CLYBL: variants seen among roughly 807,000 people sequenced by gnomAD.
CLYBL encodes the protein citramalyl-CoA lyase, mitochondrial.
In CLYBL, 31 loss-of-function variants were observed where a neutral mutation model predicts 38.9. The ratio of observed to expected loss-of-function variants is 0.80; its 90% CI spans 0.60 to 1.08. The LOEUF (loss-of-function observed/expected upper bound fraction) is 1.08, where lower values mean the gene tolerates loss of function less well. Among genes scored for constraint, CLYBL ranks in the 50% least tolerant of loss-of-function variants. The pLI, the probability that CLYBL is intolerant of heterozygous loss-of-function variation, is 0.00. For missense variants in CLYBL, 434 were observed against 411.6 expected, an observed-to-expected ratio of 1.05 and a Z score of -0.47; for synonymous variants, 171 against 158.6, an observed-to-expected ratio of 1.08 and a Z score of -0.59.
rs112428854 is a variant in CLYBL, at chr13:99,658,776, A to G, written c.62+52019A>G. Among the ~76,000 whole-genome samples the G allele has an allele frequency of 4.7e-3, 713 of 151,930 alleles. 9 individuals are homozygous for G. The highest frequency in any genetic ancestry group is 0.016 in the African/African-American group (673 of 41,404). ...AACAAAAACCCTCTCCCAACCCCCAACCCGCCTCCACAGCTGCATTTTGTT... is the reference window on the plus strand; with the variant it reads ...AACAAAAACCCTCTCCCAACCCCCAGCCCGCCTCCACAGCTGCATTTTGTT... On this transcript the variant is annotated intron_variant, in intron 1 of 8. Coordinates refer to ENST00000339105, the MANE Select transcript of CLYBL (RefSeq NM_206808.5).
At chr13:99,703,868 C>T (rs1037665401) in intron 1 of CLYBL, among the ~76,000 whole-genome samples, 1 of 152,006 alleles carries the variant, frequency 6.6e-6, no homozygotes, top group Admixed American at 6.6e-5. Context: ...TGTCAACAGA[C>T]ATAAAAAAGC....
At chr13:99,662,324 A>G (rs938342302) in intron 1 of CLYBL, among the ~76,000 whole-genome samples, 1 of 152,222 alleles carries the variant, frequency 6.6e-6, no homozygotes, top group Non-Finnish European at 1.5e-5. Flanking sequence ...GCTATTAATA[A>G]TTTTTTAAAG....
intron 2 of CLYBL, among the ~76,000 whole-genome samples, chr13:99,819,035 G>T (rs1452151091): frequency 1.3e-5 from 2 of 151,972 alleles, no homozygotes; most frequent in Non-Finnish European, 2.9e-5. Context: ...ACGTTTCCAA[G>T]GTATAATTTA....
chr13:99,636,167 C>G lies in CLYBL; in HGVS notation c.62+29410C>G, dbSNP rs571893480. On this transcript the variant is annotated intron_variant, in intron 1 of 8. Coordinates refer to ENST00000339105, the MANE Select transcript of CLYBL (RefSeq NM_206808.5). ...TTTATATATATTTTCAGCAGAGACT[C>G]TTAAAATTATGTTTTCGAAATAACA... is the stretch of plus-strand genomic sequence containing the variant. 5.9e-5 allele frequency among the ~76,000 whole-genome samples: 9 copies of G among 152,294 alleles called. No individual in the cohort carries two copies. In the South Asian group the frequency reaches 1.2e-3, roughly 21 times the overall value.
chr13:99,870,906 TCGTGGTTC>T, intron 6 of CLYBL, 24 bp from the exon 7 acceptor site: 1 of 1,569,528 alleles, frequency 6.4e-7, no homozygotes, highest in East Asian at 2.3e-5. Context: ...GTTCGTTGTT[TCGTGGTTC>T]CGATGTTATT....
chr13:99,766,946 G>A (rs1594168855), intron 1 of CLYBL, among the ~76,000 whole-genome samples: 1 of 152,330 alleles, frequency 6.6e-6, no homozygotes, highest in African/African-American at 2.4e-5. Context: ...AGATTCCAGA[G>A]CTGGGGATGG....
intron 1 of CLYBL, among the ~76,000 whole-genome samples, chr13:99,741,420 A>C (rs1367148841): frequency 6.6e-6 from 1 of 152,248 alleles, no homozygotes; most frequent in East Asian, 1.9e-4. Flanking sequence ...TTGGCACGGC[A>C]GACCCCAACC....
chr13:99,663,921 T>G (rs2047444104), intron 1 of CLYBL, among the ~76,000 whole-genome samples: 1 of 152,232 alleles, frequency 6.6e-6, no homozygotes, highest in Admixed American at 6.5e-5. Flanking sequence ...CAGACAGAGA[T>G]AAAACTGCAA....
At chr13:99,749,032 A>G (rs1176246058) in intron 1 of CLYBL, among the ~76,000 whole-genome samples, 1 of 152,072 alleles carries the variant, frequency 6.6e-6, no homozygotes, top group African/African-American at 2.4e-5. Context: ...TACAAAAATT[A>G]GCCAGTGTGG....
intron 2 of CLYBL, among the ~76,000 whole-genome samples, chr13:99,844,441 G>A (rs1040292123): frequency 3.3e-5 from 5 of 152,214 alleles, no homozygotes; most frequent in African/African-American, 7.2e-5. Context: ...GATTTTGAAC[G>A]TTGGAACACA....
chr13:99,831,910 A>G (rs2050811748), intron 2 of CLYBL, among the ~76,000 whole-genome samples: 1 of 152,166 alleles, frequency 6.6e-6, no homozygotes, highest in African/African-American at 2.4e-5. Context: ...CTGCTGTTTT[A>G]TTATACATTT....
intron 1 of CLYBL, among the ~76,000 whole-genome samples, chr13:99,623,471 C>T (rs2046826127): frequency 1.3e-5 from 2 of 152,230 alleles, no homozygotes; most frequent in Admixed American, 1.3e-4. Context: ...CTTTCTCTCA[C>T]TGCCTTCCAT....
intron 1 of CLYBL, among the ~76,000 whole-genome samples, chr13:99,608,519 C>T (rs910435272): frequency 4.6e-5 from 7 of 152,180 alleles, no homozygotes; most frequent in Non-Finnish European, 1.0e-4. Flanking sequence ...CCTAGAGGAG[C>T]AGCTCAGGCA....
At chr13:99,646,032 C>A (rs1299553254) in intron 1 of CLYBL, among the ~76,000 whole-genome samples, 3 of 152,216 alleles carry the variant, frequency 2.0e-5, no homozygotes, top group Admixed American at 2.0e-4. Context: ...CATGAACATG[C>A]TATTAAAATA....
chr13:99,615,090 A>T (rs2046688542), intron 1 of CLYBL, among the ~76,000 whole-genome samples: 1 of 152,232 alleles, frequency 6.6e-6, no homozygotes, highest in Non-Finnish European at 1.5e-5. Flanking sequence ...AAAGGTGAGG[A>T]CATAGACATG....
intron 2 of CLYBL, among the ~76,000 whole-genome samples, chr13:99,839,786 G>A (rs1566348697): frequency 6.6e-6 from 1 of 152,024 alleles, no homozygotes; most frequent in Non-Finnish European, 1.5e-5. Context: ...CACGGAAAAT[G>A]GGGTATCCAT....
intron 1 of CLYBL, among the ~76,000 whole-genome samples, chr13:99,737,920 G>A (rs544704560): frequency 1.3e-5 from 2 of 152,240 alleles, no homozygotes; most frequent in South Asian, 4.2e-4. Context: ...TTACATACGA[G>A]TTACATTTAT....
chr13:99,754,416 CAAAAA>C (rs1172376194), intron 1 of CLYBL, among the ~76,000 whole-genome samples: 12 of 71,884 alleles, frequency 1.7e-4, no homozygotes, highest in South Asian at 5.6e-4. Flanking sequence ...GACCCTGTCT[CAAAAA>C]AAAAAAAAAA....
intron 1 of CLYBL, among the ~76,000 whole-genome samples, chr13:99,694,260 C>T (rs886956777): frequency 1.3e-5 from 2 of 152,098 alleles, no homozygotes; most frequent in African/African-American, 4.8e-5. Context: ...TCTGATAGAA[C>T]AATTGGAGAA....
Sources: gnomAD v4.1 joint callset for allele counts (sites outside exome capture counted in the v4.1 genomes callset) on GRCh38, gnomAD v4.1.1 for gene constraint, MANE v1.5 for transcripts, NCBI Gene and HGNC (gene_info 2026-07-23, HGNC 2026-07-21) for gene names.